The following TMC5 variants were observed in gnomAD, a reference collection of about 807,000 sequenced individuals.
TMC5 encodes transmembrane channel like 5.
In TMC5, 86 loss-of-function variants were observed where a neutral mutation model predicts 110.5. That is an observed-to-expected ratio of 0.78 (90% CI 0.65 to 0.93). The LOEUF is 0.93. TMC5 is among the 40% of genes least tolerant of loss of function. The pLI is 0.00. For synonymous variants in TMC5, 455 were observed against 439.5 expected, an observed-to-expected ratio of 1.04 and a Z score of -0.44; for missense variants, 1,144 against 1,222.8, an observed-to-expected ratio of 0.94 and a Z score of 0.96.
intron 6 of TMC5, among the ~76,000 whole-genome samples, chr16:19,463,020 C>G (rs528909981): frequency 6.6e-6 from 1 of 152,150 alleles, no homozygotes; most frequent in Non-Finnish European, 1.5e-5. Flanking sequence ...AGTAATCCCC[C>G]CACCACAGCC....
rs567818605 is a variant in TMC5, at chr16:19,459,340, C to T, written c.1049-895C>T. On this transcript the variant is annotated intron_variant, in intron 5 of 21. Coordinates refer to ENST00000542583, the MANE Select transcript of TMC5 (RefSeq NM_001261841.2). ...TTGGGGTAGACAATAGCATCTGCCA[C>T]ATTGACTGCAAATGTGAATATGAGT... Among the ~76,000 whole-genome samples, 11 of 152,174 alleles carry T rather than the reference C, an allele frequency of 7.2e-5. No individual in the cohort carries two copies. The South Asian group carries it at 1.0e-3, about 14-fold the overall frequency.
At chr16:19,437,164 G>A (rs995829671) in intron 2 of TMC5, among the ~76,000 whole-genome samples, 4 of 152,146 alleles carry the variant, frequency 2.6e-5, no homozygotes, top group Non-Finnish European at 5.9e-5. Flanking sequence ...GGCAGAGTGA[G>A]ACCCTGTCTC....
upstream of TMC5, among the ~76,000 whole-genome samples, chr16:19,415,110 C>T (rs973121816): frequency 6.6e-6 from 1 of 152,200 alleles, no homozygotes; most frequent in African/African-American, 2.4e-5. Flanking sequence ...CTGGAAGCAA[C>T]CAGTATTGCC....
At chr16:19,488,382 G>A (rs1039846402) in intron 17 of TMC5, among the ~76,000 whole-genome samples, 16 of 152,162 alleles carry the variant, frequency 1.1e-4, no homozygotes, top group African/African-American at 3.9e-4. Context: ...AAGAACTGAA[G>A]CTTCCCAGAA....
rs1184888059 is a variant in TMC5 at position 19,495,109 on chromosome 16, G to T, written c.2931+743G>T. The stretch of plus-strand genomic sequence containing the variant: ...GGCGCACTGCAAGCTCCGCCTCCCG[G>T]GTTCACGCCATTCTCCTGCCTCAGC... On this transcript the variant is annotated intron_variant, in intron 20 of 21. Transcript: ENST00000542583. 2.6e-4 allele frequency among the ~76,000 whole-genome samples: 8 copies of T among 30,304 alleles called. 2 individuals are homozygous for T. The highest frequency in any genetic ancestry group is 5.8e-4 in the African/African-American group (8 of 13,742). The allele number at this position is 30,304 out of a possible 152,430, so 19.9% of individuals were successfully genotyped here.
intron 19 of TMC5, among the ~76,000 whole-genome samples, chr16:19,493,468 T>TCTCTCTCTCTTTC (rs1567329425): frequency 5.3e-5 from 8 of 150,102 alleles, no homozygotes; most frequent in South Asian, 4.2e-4. Flanking sequence ...TCTCTCTCTT[T>TCTCTCTCTCTTTC]TTTTTTTTTT....
At chr16:19,474,030 C>A in intron 11 of TMC5, 95 bp from the exon 12 acceptor site, 1 of 1,236,384 alleles carries the variant, frequency 8.1e-7, no homozygotes, top group Non-Finnish European at 1.1e-6. Context: ...AGAGGAGCTA[C>A]TTCTCGGGTT....
chr16:19,480,964 A>G (rs947136951), intron 14 of TMC5, among the ~76,000 whole-genome samples: 1 of 152,148 alleles, frequency 6.6e-6, no homozygotes, highest in Non-Finnish European at 1.5e-5. Context: ...ACAGGGAAAC[A>G]TAATTTGATA....
At chr16:19,474,096 C>T (rs1303294481) in intron 11 of TMC5, 29 bp from the exon 12 acceptor site, 5 of 1,607,678 alleles carry the variant, frequency 3.1e-6, no homozygotes, top group Non-Finnish European at 4.2e-6. Context: ...TACAAGTCAG[C>T]CCTCCGTTCT....
At chr16:19,463,060 C>A (rs1174055794) in intron 6 of TMC5, among the ~76,000 whole-genome samples, 1 of 152,038 alleles carries the variant, frequency 6.6e-6, no homozygotes, top group Non-Finnish European at 1.5e-5. Context: ...TACAGGCAGG[C>A]ACTACCAACA....
chr16:19,470,194 G>T (rs1215893256), intron 10 of TMC5, among the ~76,000 whole-genome samples: 116 of 119,628 alleles, frequency 9.7e-4, no homozygotes, highest in African/African-American at 3.2e-3. Context: ...GCGCCCAGCT[G>T]TTTTTTTTTT....
intron 4 of TMC5, 98 bp downstream of exon 4, chr16:19,444,348 G>A: frequency 9.2e-7 from 1 of 1,089,098 alleles, no homozygotes; most frequent in South Asian, 1.6e-5. Flanking sequence ...TAGGAGAATT[G>A]GTGTATCCTT....
At position 19,447,777 on chromosome 16, in the gene TMC5, C is replaced by G. The variant is rs145769799; in HGVS notation, c.959-1765C>G. On this transcript the variant is annotated intron_variant, in intron 4 of 21. Transcript: ENST00000542583. Reference sequence around the variant, plus strand: ...CCATGTTGCCCAAGCTGGTCTCAAACTCCTGTGCTCAAGCGACTGTCCCAC... The same window carrying G: ...CCATGTTGCCCAAGCTGGTCTCAAAGTCCTGTGCTCAAGCGACTGTCCCAC... Among the ~76,000 whole-genome samples, 254 of 152,062 alleles carry G rather than the reference C, an allele frequency of 1.7e-3. 1 individual carries two copies. The highest frequency in any genetic ancestry group is 0.014 in the Middle Eastern group (4 of 292).
At chr16:19,476,371 GAGAGAA>G (rs1968489672) in intron 12 of TMC5, among the ~76,000 whole-genome samples, 1 of 151,974 alleles carries the variant, frequency 6.6e-6, no homozygotes, top group Admixed American at 6.6e-5. Context: ...GAAAGAGAGA[GAGAGAA>G]AGAAAGAAAG....
At chr16:19,422,635 C>A (rs11645923) in intron 1 of TMC5, among the ~76,000 whole-genome samples, 5,507 of 152,178 alleles carry the variant, frequency 0.036, 120 homozygotes, top group African/African-American at 0.056. Flanking sequence ...CATTAGAAAT[C>A]AGCCTGGGTG....
chr16:19,445,882 G>A (rs956834778), intron 4 of TMC5, among the ~76,000 whole-genome samples: 6 of 151,914 alleles, frequency 3.9e-5, no homozygotes. Flanking sequence ...GGGCGTGGTG[G>A]CACACACCTG....
At chr16:19,415,875 T>C (rs1966874236), upstream of TMC5, among the ~76,000 whole-genome samples, 1 of 152,158 alleles carries the variant, frequency 6.6e-6, no homozygotes, top group Admixed American at 6.5e-5. Flanking sequence ...GTTTTGCATT[T>C]AGTGCTAATA....
At chr16:19,411,797 T>A (rs755655237) in intron 1 of TMC5, 12 of 152,200 alleles carry the variant, frequency 7.9e-5, no homozygotes, top group Non-Finnish European at 2.9e-5. Flanking sequence ...TATAAATACT[T>A]GTTGAATGAA....
At chr16:19,444,359 C>G (rs1010652193) in intron 4 of TMC5, 109 bp downstream of exon 4, 4 of 984,936 alleles carry the variant, frequency 4.1e-6, no homozygotes, top group Non-Finnish European at 5.9e-6. Flanking sequence ...GTGTATCCTT[C>G]CAATCTCAGA....
Sources: gnomAD v4.1 joint callset for allele counts (sites outside exome capture counted in the v4.1 genomes callset) on GRCh38, gnomAD v4.1.1 for gene constraint, MANE v1.5 for transcripts, NCBI Gene and HGNC (gene_info 2026-07-23, HGNC 2026-07-21) for gene names.